The following RASGRF2 variants were observed in gnomAD, a reference collection of about 807,000 sequenced individuals.
RASGRF2 encodes the protein Ras protein specific guanine nucleotide releasing factor 2.
Under a neutral mutation model 151.0 loss-of-function variants are expected in RASGRF2, and 76 were observed. The observed-to-expected ratio is 0.50, with a 90% CI of 0.42 to 0.61. The LOEUF (loss-of-function observed/expected upper bound fraction) is 0.61, where lower values mean the gene tolerates loss of function less well. RASGRF2 is among the 20% of genes least tolerant of loss of function. The pLI, the probability that RASGRF2 is intolerant of heterozygous loss-of-function variation, is 0.00. For synonymous variants in RASGRF2, 504 were observed against 566.5 expected, an observed-to-expected ratio of 0.89 and a Z score of 1.57; for missense variants, 1,148 against 1,564.6, an observed-to-expected ratio of 0.73 and a Z score of 4.49.
chr5:81,190,533 C>A (rs1755133762), intron 18 of RASGRF2, among the ~76,000 whole-genome samples: 1 of 152,186 alleles, frequency 6.6e-6, no homozygotes, highest in African/African-American at 2.4e-5. Flanking sequence ...TTTGTCATAT[C>A]TCTCTGGAAA....
intron 1 of RASGRF2, among the ~76,000 whole-genome samples, chr5:81,025,139 C>A (rs993309172): frequency 2.0e-5 from 3 of 152,236 alleles, no homozygotes; most frequent in African/African-American, 7.2e-5. Context: ...ATTCCTGCAG[C>A]CTCTCTGTGC....
intron 7 of RASGRF2, among the ~76,000 whole-genome samples, chr5:81,084,000 G>A (rs1406675465): frequency 6.6e-6 from 1 of 152,210 alleles, no homozygotes; most frequent in South Asian, 2.1e-4. Flanking sequence ...CCTTTGGAGA[G>A]CTGACCACTT....
chr5:81,190,909 C>T (rs1450879108), intron 18 of RASGRF2, among the ~76,000 whole-genome samples: 2 of 151,950 alleles, frequency 1.3e-5, no homozygotes, highest in African/African-American at 4.8e-5. Flanking sequence ...GGATGGATTT[C>T]GTTGATGGAA....
chr5:81,115,971 A>G lies in RASGRF2; in HGVS notation c.2470+2051A>G, dbSNP rs79657125. Among the ~76,000 whole-genome samples, 782 of 151,734 alleles carry G rather than the reference A, an allele frequency of 5.2e-3. 4 individuals carry two copies. Among genetic ancestry groups the G allele is most frequent in the African/African-American group, 0.017 (719 of 41,482 alleles). ...AAGTGTCTTTGACATGAGCCAAAAC[A>G]TATGTGGGTTGGAAAGAAGAGATGG... On this transcript the variant is annotated intron_variant, in intron 15 of 26. Transcript: ENST00000265080.
intron 18 of RASGRF2, among the ~76,000 whole-genome samples, chr5:81,182,098 G>C (rs1037217342): frequency 2.6e-5 from 4 of 152,156 alleles, no homozygotes; most frequent in African/African-American, 9.7e-5. Context: ...CGACCTGAGT[G>C]ACTGCAGCTG....
chr5:81,112,383 A>G (rs1049054025), intron 13 of RASGRF2, among the ~76,000 whole-genome samples: 3 of 152,190 alleles, frequency 2.0e-5, no homozygotes, highest in African/African-American at 7.2e-5. Context: ...GAAATACTAT[A>G]CCATTTCATA....
intron 1 of RASGRF2, among the ~76,000 whole-genome samples, chr5:81,025,093 A>G (rs1156674997): frequency 6.6e-6 from 1 of 152,154 alleles, no homozygotes; most frequent in Non-Finnish European, 1.5e-5. Context: ...CCAGTCTCCT[A>G]TGATCCCCCA....
chr5:80,987,066 C>T (rs906841041), intron 1 of RASGRF2, among the ~76,000 whole-genome samples: 16 of 152,194 alleles, frequency 1.1e-4, no homozygotes, highest in Non-Finnish European at 1.9e-4. Flanking sequence ...TCTCCTTCTG[C>T]CAGATGAGCT....
At chr5:81,207,203 G>A (rs750581729) in intron 20 of RASGRF2, 43 bp from the exon 21 acceptor site, 32 of 1,544,912 alleles carry the variant, frequency 2.1e-5, no homozygotes, top group South Asian at 4.5e-5. Flanking sequence ...GATGGCAGGC[G>A]CCCTCTCCTG....
At chr5:81,154,775 A>C (rs572550653) in intron 17 of RASGRF2, among the ~76,000 whole-genome samples, 1 of 152,304 alleles carries the variant, frequency 6.6e-6, no homozygotes, top group South Asian at 2.1e-4. Flanking sequence ...TACTGGTTTC[A>C]TTTCCTTTGT....
intron 1 of RASGRF2, among the ~76,000 whole-genome samples, chr5:81,022,276 G>A (rs1473158234): frequency 6.6e-6 from 1 of 152,178 alleles, no homozygotes; most frequent in Admixed American, 6.5e-5. Context: ...CAGGCCATGA[G>A]TTCTGATAGT....
intron 17 of RASGRF2, among the ~76,000 whole-genome samples, chr5:81,151,009 C>T (rs76752950): frequency 0.014 from 2,116 of 152,266 alleles, 17 homozygotes; most frequent in Non-Finnish European, 0.02. Context: ...TTAGTGTAGA[C>T]AGTTTTGATG....
chr5:81,205,749 A>G (rs1367219120), intron 19 of RASGRF2, among the ~76,000 whole-genome samples: 1 of 151,884 alleles, frequency 6.6e-6, no homozygotes, highest in Non-Finnish European at 1.5e-5. Context: ...ATTTTGTTTT[A>G]TTTTATTTAT....
At chr5:81,004,586 G>C (rs1749202815) in intron 1 of RASGRF2, among the ~76,000 whole-genome samples, 1 of 152,220 alleles carries the variant, frequency 6.6e-6, no homozygotes, top group Non-Finnish European at 1.5e-5. Context: ...CAAACCATTT[G>C]AAGCAGATTC....
rs527392755 is a variant in RASGRF2, at chr5:81,131,183, C to T, written c.2686+4020C>T. Among the ~76,000 whole-genome samples, 3 of 152,208 alleles carry T rather than the reference C, an allele frequency of 2.0e-5. No individual in the cohort carries two copies. The East Asian group carries it at 5.8e-4, about 29-fold the overall frequency. ...TCAAATGCAATACAAGGGAGGACAG[C>T]AATTTTTTTTGCAAGGAGGTCAAGA... On this transcript the variant is annotated intron_variant, in intron 17 of 26. Transcript: ENST00000265080.
chr5:81,191,880 A>G (rs753319797), intron 18 of RASGRF2, among the ~76,000 whole-genome samples: 1 of 151,100 alleles, frequency 6.6e-6, no homozygotes, highest in Non-Finnish European at 1.5e-5. Flanking sequence ...GATCAAATAA[A>G]TAGTTTTCTG....
intron 1 of RASGRF2, among the ~76,000 whole-genome samples, chr5:80,977,797 T>C (rs1748174608): frequency 6.6e-6 from 1 of 152,234 alleles, no homozygotes; most frequent in African/African-American, 2.4e-5. Context: ...CATTTTTTCA[T>C]TTAAGTGAGG....
chr5:81,096,660 G>A (rs1209505629), intron 12 of RASGRF2, among the ~76,000 whole-genome samples: 6 of 152,100 alleles, frequency 3.9e-5, no homozygotes, highest in African/African-American at 1.4e-4. Context: ...ACCTTCTTTA[G>A]CATGACTGGG....
intron 17 of RASGRF2, among the ~76,000 whole-genome samples, chr5:81,176,949 T>A (rs1020720): frequency 0.51 from 77,028 of 151,854 alleles, 21,205 homozygotes; most frequent in East Asian, 0.82. Flanking sequence ...GTTACGTTCT[T>A]TTATGGAGGG....
Sources: gnomAD v4.1 joint callset for allele counts (sites outside exome capture counted in the v4.1 genomes callset) on GRCh38, gnomAD v4.1.1 for gene constraint, MANE v1.5 for transcripts, NCBI Gene and HGNC (gene_info 2026-07-23, HGNC 2026-07-21) for gene names.